The following NLRP13 variants were observed in gnomAD, a reference collection of about 807,000 sequenced individuals.
NLRP13 encodes the protein NACHT, LRR and PYD domains-containing protein 13.
NLRP13 carries 82 observed loss-of-function variants against 94.4 expected under a neutral mutation model. The ratio of observed to expected loss-of-function variants is 0.87; its 90% confidence interval spans 0.73 to 1.04. NLRP13 has a LOEUF of 1.04. NLRP13 is among the 50% of genes least tolerant of loss of function. NLRP13 has a pLI of 0.00. For synonymous variants in NLRP13, 553 were observed against 464.7 expected (o/e 1.19, Z -2.45); for missense variants, 1,426 against 1,230.8 (o/e 1.16, Z -2.37).
intron 4 of NLRP13, among the ~76,000 whole-genome samples, chr19:55,915,948 C>G (rs1986664502): frequency 6.6e-6 from 1 of 152,188 alleles, no homozygotes; most frequent in Non-Finnish European, 1.5e-5. Context: ...GACTAGATGT[C>G]AAACTACACA....
chr19:55,927,910 C>T (rs1392603016), intron 1 of NLRP13, among the ~76,000 whole-genome samples: 2 of 152,188 alleles, frequency 1.3e-5, no homozygotes, highest in Non-Finnish European at 2.9e-5. Flanking sequence ...CCCCAAAAGA[C>T]AGTACGTGGG....
intron 1 of NLRP13, among the ~76,000 whole-genome samples, chr19:55,930,898 A>ACACGTATATATATAC: frequency 2.9e-5 from 3 of 104,904 alleles, no homozygotes; most frequent in African/African-American, 7.7e-5. Context: ...ATATATATAT[A>ACACGTATATATATAC]AAATTTTAAC....
intron 5 of NLRP13, 128 bp downstream of exon 5, chr19:55,911,578 C>CA (rs1404839994): frequency 3.5e-6 from 3 of 867,920 alleles, no homozygotes; most frequent in Non-Finnish European, 5.4e-6. Flanking sequence ...AGAGCTGCTC[C>CA]AGACCATTTG....
chr19:55,931,581 C>A (rs960350179), intron 1 of NLRP13, among the ~76,000 whole-genome samples: 25 of 150,260 alleles, frequency 1.7e-4, no homozygotes, highest in African/African-American at 6.1e-4. Context: ...TGGTGGCGGG[C>A]GCCTGTAGTC....
In NLRP13 at chr19:55,902,222, A is replaced by C; in HGVS notation, c.2619-17T>G. 6.2e-7 allele frequency: 1 copy of C among 1,611,630 alleles called. No individual in the cohort carries two copies. Among genetic ancestry groups the C allele is most frequent in the Non-Finnish European group, 8.5e-7 (1 of 1,178,952 alleles). On this transcript the variant is annotated splice_polypyrimidine_tract_variant and intron_variant, in intron 8 of 10. Coordinates refer to ENST00000342929, the MANE Select transcript of NLRP13 (RefSeq NM_176810.2). The stretch of plus-strand genomic sequence containing the variant: ...AACCAGAGCCTGCAGGGTGAAAGCC[A>C]CAGAGATGGACACTCAGGGAAGCAG...
At chr19:55,917,745 A>G (rs1038248877) in intron 4 of NLRP13, among the ~76,000 whole-genome samples, 2 of 131,152 alleles carry the variant, frequency 1.5e-5, no homozygotes, top group African/African-American at 5.1e-5. Flanking sequence ...ACATATATAC[A>G]TCCATACCAG....
intron 4 of NLRP13, among the ~76,000 whole-genome samples, chr19:55,914,082 G>A (rs561317271): frequency 6.6e-6 from 1 of 152,362 alleles, no homozygotes; most frequent in Admixed American, 6.5e-5. Flanking sequence ...TTCAGCTGGT[G>A]AGGGCTTAGA....
chr19:55,898,395 A>G (rs969913476), intron 10 of NLRP13, among the ~76,000 whole-genome samples: 23 of 152,070 alleles, frequency 1.5e-4, no homozygotes, highest in African/African-American at 5.6e-4. Context: ...TTTTTAGTAG[A>G]GATGGGGTTT....
intron 4 of NLRP13, among the ~76,000 whole-genome samples, chr19:55,913,820 G>GT (rs1986609519): frequency 6.6e-6 from 1 of 151,882 alleles, no homozygotes; most frequent in Non-Finnish European, 1.5e-5. Context: ...TGCAAGCCTC[G>GT]TGAGTGTGCC....
chr19:55,932,217 A>G lies in NLRP13; in HGVS notation c.95T>C (p.Phe32Ser), dbSNP rs1416349794. The change falls in exon 1 of 11, where the codon TTC becomes TCC. Residue 32 changes from phenylalanine (F) to serine (S), a missense_variant. Physicochemically the swap from Phe to Ser is radical, Grantham distance 155 (BLOSUM62 -2). Coordinates refer to ENST00000342929, the MANE Select transcript of NLRP13 (RefSeq NM_176810.2). ...CTGCTGGGGTTCCAAGCAAAGCTTGAATTCCTCCAGCTGATACTGATCCAG... is the reference window on the plus strand; with the variant it reads ...CTGCTGGGGTTCCAAGCAAAGCTTGGATTCCTCCAGCTGATACTGATCCAG... The part of the protein sequence containing the change: ...MALDQYQLEE[F>S]KLCLEPQQLM... The G allele has an allele frequency of 6.2e-7, 1 of 1,613,816 alleles. No individual in the cohort carries two copies. The highest frequency in any genetic ancestry group is 1.3e-5 in the African/African-American group (1 of 74,908).
At chr19:55,892,264 T>G, downstream of NLRP13, 1 of 494,822 alleles carries the variant, frequency 2.0e-6, no homozygotes, top group East Asian at 3.5e-5. Flanking sequence ...AATGATCCCA[T>G]CACCCAGGTA....
chr19:55,923,407 G>C (rs898472571), intron 4 of NLRP13, among the ~76,000 whole-genome samples: 2 of 152,232 alleles, frequency 1.3e-5, no homozygotes, highest in Non-Finnish European at 2.9e-5. Context: ...AGGCCAAGTA[G>C]TAGGTACAGA....
intron 9 of NLRP13, among the ~76,000 whole-genome samples, chr19:55,899,405 G>A (rs1488981132): frequency 6.6e-6 from 1 of 152,140 alleles, no homozygotes; most frequent in African/African-American, 2.4e-5. Context: ...GGGTTGAGGT[G>A]GGGAGGGATG....
intron 4 of NLRP13, among the ~76,000 whole-genome samples, chr19:55,915,012 A>G (rs1986641033): frequency 6.6e-6 from 1 of 152,176 alleles, no homozygotes; most frequent in Non-Finnish European, 1.5e-5. Context: ...AGAAGAAGAG[A>G]ATAAAGTGGT....
At chr19:55,914,615 C>G (rs2123128228) in intron 4 of NLRP13, among the ~76,000 whole-genome samples, 1 of 152,232 alleles carries the variant, frequency 6.6e-6, no homozygotes, top group East Asian at 1.9e-4. Flanking sequence ...TCTATGAGTT[C>G]AAGATTCTTA....
chr19:55,914,230 G>T (rs556073923), intron 4 of NLRP13, among the ~76,000 whole-genome samples: 6 of 152,332 alleles, frequency 3.9e-5, no homozygotes, highest in South Asian at 4.1e-4. Flanking sequence ...AGGAGTGATT[G>T]AGCTAGCGAT....
Position 55,911,778 on chromosome 19 carries a change from T to C in NLRP13, c.2039A>G (p.His680Arg). The stretch of plus-strand genomic sequence containing the variant: ...CCTTAGCTTATTTAACCTTTTACAG[T>C]GCTTTAGGCAAAATGAAGAAGCTTG... ...ELQASSFCLK[H>R]CKRLNKLRLS... Residue 680 changes from histidine (H) to arginine (R), a missense_variant, in exon 5 of 11, where the codon CAC becomes CGC. Coordinates refer to ENST00000342929, the MANE Select transcript of NLRP13 (RefSeq NM_176810.2). 1 of 1,614,080 alleles carries C rather than the reference T, an allele frequency of 6.2e-7. No individual in the cohort carries two copies. Among genetic ancestry groups the C allele is most frequent in the Non-Finnish European group, 8.5e-7 (1 of 1,179,934 alleles).
chr19:55,919,517 T>A (rs1043440408), intron 4 of NLRP13, among the ~76,000 whole-genome samples: 1 of 152,042 alleles, frequency 6.6e-6, no homozygotes, highest in African/African-American at 2.4e-5. Flanking sequence ...CATAAAATCT[T>A]AGTATTAAAA....
At chr19:55,923,772 G>A in intron 4 of NLRP13, 142 bp downstream of exon 4, 2 of 651,928 alleles carry the variant, frequency 3.1e-6, no homozygotes, top group Admixed American at 2.5e-5. Context: ...TGTACTGGAA[G>A]AACCAGTTGG....
Sources: allele counts gnomAD v4.1 joint callset (sites outside exome capture counted in the v4.1 genomes callset), GRCh38; gene constraint gnomAD v4.1.1; transcripts MANE v1.5; gene names NCBI Gene and HGNC (gene_info 2026-07-23, HGNC 2026-07-21).